ZBTB8B: variants seen among roughly 807,000 people sequenced by gnomAD.
ZBTB8B encodes the protein zinc finger and BTB domain containing 8B, also known as zinc finger and BTB domain-containing protein 8B.
A neutral mutation model predicts 30.3 loss-of-function variants in ZBTB8B; 17 were observed. The observed-to-expected ratio is 0.56, with a 90% CI of 0.38 to 0.84. The LOEUF (loss-of-function observed/expected upper bound fraction) is 0.84, where lower values mean the gene tolerates loss of function less well. Among genes scored for constraint, ZBTB8B ranks in the 40% least tolerant of loss-of-function variants. The probability of loss-of-function intolerance (pLI) is 0.00; values close to 1 mark genes in which losing one functional copy is unlikely to be tolerated. For missense variants in ZBTB8B, 515 were observed against 644.9 expected (o/e 0.80, Z 2.18); for synonymous variants, 248 against 255.6 (o/e 0.97, Z 0.28).
In ZBTB8B at chr1:32,480,893, G is replaced by A; in HGVS notation, c.994G>A (p.Asp332Asn). The A allele has an allele frequency of 6.4e-7, 1 of 1,551,146 alleles. No homozygotes were observed. Among genetic ancestry groups the A allele is most frequent in the Non-Finnish European group, 8.7e-7 (1 of 1,146,594 alleles). Residue 332 changes from aspartate (D) to asparagine (N), a missense_variant and splice_region_variant, in exon 3 of 4, where the codon GAT becomes AAT. Transcript: ENST00000609129. ...QADWYGEDSGDVLVVPIKLHK... is the reference protein window; with the variant it reads ...QADWYGEDSGNVLVVPIKLHK... ...AATGAAAGCATTTGGTTCCCCAGGT[G>A]ATGTGCTGGTGGTCCCCATCAAGCT...
At chr1:32,466,608 T>G (rs1643572442) in intron 1 of ZBTB8B, among the ~76,000 whole-genome samples, 2 of 151,958 alleles carry the variant, frequency 1.3e-5, no homozygotes, top group East Asian at 3.9e-4. Context: ...TTGGGGAAAA[T>G]TTTGAAGAAA....
chr1:32,496,254 A>G lies in ZBTB8B; in HGVS notation c.*10836A>G, dbSNP rs560706630. ...CTACTGTCTGATGAATGGGTAATTG[A>G]TGATGCAATGTATGAAAAAAGTAAG... On this transcript the variant is annotated 3_prime_UTR_variant, in exon 4 of 4. Coordinates refer to ENST00000609129, the MANE Select transcript of ZBTB8B (RefSeq NM_001145720.2). 6.6e-6 allele frequency: 1 copy of G among 152,320 alleles called. No individual in the cohort carries two copies. The highest frequency in any genetic ancestry group is 2.1e-4 in the South Asian group (1 of 4,830). The allele number at this position is 152,320 out of a possible 1,614,324, so 9.4% of individuals were successfully genotyped here.
chr1:32,476,855 A>G (rs997366514), intron 2 of ZBTB8B, among the ~76,000 whole-genome samples: 1 of 151,884 alleles, frequency 6.6e-6, no homozygotes, highest in Admixed American at 6.6e-5. Context: ...TGTTAGCTCC[A>G]TGAGGGGCAG....
chr1:32,470,669 T>G lies in ZBTB8B; in HGVS notation c.45T>G (p.Asn15Lys). ...ATGCCAAGCTTTTGGGGGAGCTGAA[T>G]GAACAGAGAAAGAGGGACTTTTTCT... ...SYYAKLLGELNEQRKRDFFCD... is the reference protein window; with the variant it reads ...SYYAKLLGELKEQRKRDFFCD... The change falls in exon 2 of 4, where the codon AAT (asparagine) becomes AAG (lysine). Residue 15 changes from asparagine (N) to lysine (K), a missense_variant. Asn to Lys is a moderately conservative substitution (Grantham distance 94). This residue lies in a region of ZBTB8B where 25 missense variants were observed against 22.9 expected (regional missense o/e 1.09). Transcript: ENST00000609129. 6.4e-7 allele frequency: 1 copy of G among 1,551,650 alleles called. No homozygotes were observed. The highest frequency in any genetic ancestry group is 8.7e-7 in the Non-Finnish European group (1 of 1,146,980).
Position 32,493,028 on chromosome 1 carries a change from C to T in ZBTB8B, c.*7610C>T, listed in dbSNP as rs1413531695. ...CTGAAATTTATTGCCTTTTCTCAAA[C>T]ATGGTGGCTTTGGTCACTAACAGTG... On this transcript the variant is annotated 3_prime_UTR_variant, in exon 4 of 4. Transcript: ENST00000609129. The T allele has an allele frequency of 6.6e-6, 1 of 152,200 alleles. No homozygotes were observed. The highest frequency in any genetic ancestry group is 1.9e-4 in the East Asian group (1 of 5,202). The allele number at this position is 152,200 out of a possible 1,614,324, so 9.4% of individuals were successfully genotyped here. A position where few individuals can be genotyped will look rare whatever the true frequency, so the allele number is the denominator to read the frequency against.
chr1:32,469,370 T>C (rs1643598819), intron 1 of ZBTB8B, among the ~76,000 whole-genome samples: 1 of 150,808 alleles, frequency 6.6e-6, no homozygotes, highest in Non-Finnish European at 1.5e-5. Flanking sequence ...CTCAGCCTCC[T>C]GAGTAGCTGG....
Position 32,495,120 on chromosome 1 carries a change from T to C in ZBTB8B, c.*9702T>C, listed in dbSNP as rs1324266180. On this transcript the variant is annotated 3_prime_UTR_variant, in exon 4 of 4. Coordinates refer to ENST00000609129, the MANE Select transcript of ZBTB8B (RefSeq NM_001145720.2). ...CTCTAACTGATTTTTGAAATATAAATTGGGTGTGATTCAGGGAATGTAACA... is the reference window on the plus strand; with the variant it reads ...CTCTAACTGATTTTTGAAATATAAACTGGGTGTGATTCAGGGAATGTAACA... 6.6e-6 allele frequency: 1 copy of C among 152,126 alleles called. No homozygotes were observed. The highest frequency in any genetic ancestry group is 1.5e-5 in the Non-Finnish European group (1 of 68,024). 9.4% of individuals were successfully genotyped at this position (152,126 alleles called of 1,614,324 possible).
In ZBTB8B at chr1:32,494,852, G is replaced by C. The variant is rs1347074443; in HGVS notation, c.*9434G>C. 1.3e-5 allele frequency: 2 copies of C among 152,034 alleles called. No individual in the cohort carries two copies. The highest frequency in any genetic ancestry group is 2.9e-5 in the Non-Finnish European group (2 of 68,022). 9.4% of individuals were successfully genotyped at this position (152,034 alleles called of 1,614,324 possible). A position where few individuals can be genotyped will look rare whatever the true frequency, so the allele number is the denominator to read the frequency against. ...TCCACTCTGTCACCCAGGCTGGAGT[G>C]CAGTGGTGCAATCTCGGCCCACTGC... On this transcript the variant is annotated 3_prime_UTR_variant, in exon 4 of 4. Coordinates refer to ENST00000609129, the MANE Select transcript of ZBTB8B (RefSeq NM_001145720.2).
chr1:32,473,482 T>C (rs1643638954), intron 2 of ZBTB8B, among the ~76,000 whole-genome samples: 2 of 151,568 alleles, frequency 1.3e-5, no homozygotes, highest in South Asian at 4.2e-4. Flanking sequence ...ATCAGCTATT[T>C]TTATTCATTA....
At chr1:32,472,966 T>C (rs936969951) in intron 2 of ZBTB8B, among the ~76,000 whole-genome samples, 7 of 152,250 alleles carry the variant, frequency 4.6e-5, no homozygotes, top group Admixed American at 4.6e-4. Flanking sequence ...GAGCTAATTT[T>C]TTACATCCTT....
chr1:32,468,482 G>A (rs565264840), intron 1 of ZBTB8B, among the ~76,000 whole-genome samples: 2 of 152,286 alleles, frequency 1.3e-5, no homozygotes, highest in South Asian at 2.1e-4. Context: ...CACACCTGGT[G>A]CTTGAGGATG....
chr1:32,468,681 T>G (rs1256390384), intron 1 of ZBTB8B, among the ~76,000 whole-genome samples: 2 of 152,054 alleles, frequency 1.3e-5, no homozygotes, highest in East Asian at 3.9e-4. Context: ...GGTAACACAG[T>G]GAAACCCCAT....
At position 32,486,972 on chromosome 1, in the gene ZBTB8B, T is replaced by TTAAAGGGC. The variant is rs1204206808; in HGVS notation, c.*1563_*1570dup. 3 of 152,312 alleles carry TTAAAGGGC rather than the reference T, an allele frequency of 2.0e-5. No individual in the cohort carries two copies. In the East Asian group the frequency reaches 5.8e-4, roughly 29 times the overall value. The allele number at this position is 152,312 out of a possible 1,614,324, so 9.4% of individuals were successfully genotyped here. ...ATTGTAACAAAAGAGGCTGAACTCT[T>TTAAAGGGC]TAAAGGGCTAAAGGGCAGGCAGTGT... On this transcript the variant is annotated 3_prime_UTR_variant, in exon 4 of 4. Coordinates refer to ENST00000609129, the MANE Select transcript of ZBTB8B (RefSeq NM_001145720.2).
chr1:32,470,926 C>T lies in ZBTB8B; in HGVS notation c.302C>T (p.Ala101Val). 6.4e-7 allele frequency: 1 copy of T among 1,552,224 alleles called. No individual in the cohort carries two copies. The highest frequency in any genetic ancestry group is 8.7e-7 in the Non-Finnish European group (1 of 1,147,120). Residue 101 changes from alanine (A) to valine (V), a missense_variant, in exon 2 of 4, where the codon GCT becomes GTT. Around this residue, in one of 3 missense-constraint regions of ZBTB8B, gnomAD observed 61 missense variants for 117.7 expected, o/e 0.52. Coordinates refer to ENST00000609129, the MANE Select transcript of ZBTB8B (RefSeq NM_001145720.2). The stretch of plus-strand genomic sequence containing the variant: ...GAGAATGTGATTGAAGTGATGTCGG[C>T]TGCCAGCTACCTGCAGATGAATGAC... ...CGENVIEVMS[A>V]ASYLQMNDVV...
intron 1 of ZBTB8B, among the ~76,000 whole-genome samples, chr1:32,466,857 C>A (rs1242453447): frequency 1.3e-5 from 2 of 152,126 alleles, no homozygotes; most frequent in Non-Finnish European, 2.9e-5. Context: ...CTTACCAACT[C>A]CTTACCCCTC....
chr1:32,493,327 G>A lies in ZBTB8B; in HGVS notation c.*7909G>A, dbSNP rs998097818. The A allele has an allele frequency of 6.6e-6, 1 of 152,006 alleles. No individual in the cohort carries two copies. Among genetic ancestry groups the A allele is most frequent in the Non-Finnish European group, 1.5e-5 (1 of 68,038 alleles). The allele number at this position is 152,006 out of a possible 1,614,324, so 9.4% of individuals were successfully genotyped here. On this transcript the variant is annotated 3_prime_UTR_variant, in exon 4 of 4. Coordinates refer to ENST00000609129, the MANE Select transcript of ZBTB8B (RefSeq NM_001145720.2). ...CCAGCTAATTTTTTGTATTTTATAAGAGATGGCGTGTCACCATGTTGACCA... is the reference window on the plus strand; with the variant it reads ...CCAGCTAATTTTTTGTATTTTATAAAAGATGGCGTGTCACCATGTTGACCA...
At chr1:32,469,672 C>G (rs1643601176) in intron 1 of ZBTB8B, among the ~76,000 whole-genome samples, 1 of 152,200 alleles carries the variant, frequency 6.6e-6, no homozygotes, top group Non-Finnish European at 1.5e-5. Context: ...AGTCCCAGAT[C>G]TGTTACAACT....
At chr1:32,471,743 A>G (rs1468338873) in intron 2 of ZBTB8B, 128 bp downstream of exon 2, 7 of 1,046,698 alleles carry the variant, frequency 6.7e-6, no homozygotes, top group African/African-American at 1.6e-5. Context: ...CAGTACCATC[A>G]TCACCAGTAC....
chr1:32,484,210 G>GA lies in ZBTB8B; in HGVS notation c.1171-875dup, dbSNP rs1279754660. 9.9e-3 allele frequency among the ~76,000 whole-genome samples: 1,284 copies of GA among 130,276 alleles called. 7 individuals are homozygous for GA. Among genetic ancestry groups the GA allele is most frequent in the Middle Eastern group, 0.052 (13 of 252 alleles). 85.5% of individuals were successfully genotyped at this position (130,276 alleles called of 152,430 possible). A position where few individuals can be genotyped will look rare whatever the true frequency, so the allele number is the denominator to read the frequency against. The stretch of plus-strand genomic sequence containing the variant: ...GTGACAGAGAAAGACCCTGTCTCTG[G>GA]AAAAAAAAAAAAAAAATCCCAATCA... On this transcript the variant is annotated intron_variant, in intron 3 of 3. Transcript: ENST00000609129. The surrounding 1 kb of genome is among the most constrained non-coding windows in gnomAD (Gnocchi z 4.5).
Sources: gnomAD v4.1 joint callset for allele counts (sites outside exome capture counted in the v4.1 genomes callset) on GRCh38, gnomAD v4.1.1 for gene constraint, gnomAD v4.1.1 regional missense constraint, Gnocchi (gnomAD v3.1) non-coding constraint, MANE v1.5 for transcripts, NCBI Gene and HGNC (gene_info 2026-07-23, HGNC 2026-07-21) for gene names.